ARHGEF2: variants seen among roughly 807,000 people sequenced by gnomAD.
ARHGEF2 encodes the protein Rho/Rac guanine nucleotide exchange factor 2.
ARHGEF2 carries 22 observed loss-of-function variants against 121.0 expected under a neutral mutation model. That is an observed-to-expected ratio of 0.18 (90% CI 0.13 to 0.26). The LOEUF (loss-of-function observed/expected upper bound fraction) is 0.26. ARHGEF2 is among the 10% of genes least tolerant of loss of function. The pLI, the probability that ARHGEF2 is intolerant of heterozygous loss-of-function variation, is 1.00. For synonymous variants in ARHGEF2, 487 were observed against 530.0 expected, an observed-to-expected ratio of 0.92 and a Z score of 1.11; for missense variants, 907 against 1,336.0, an observed-to-expected ratio of 0.68 and a Z score of 5.01.
Position 155,947,872 on chromosome 1 carries a change from T to TG in ARHGEF2, c.*69dup. On this transcript the variant is annotated 3_prime_UTR_variant, in exon 22 of 22. Transcript: ENST00000361247. ...AAATGTTCCCTCATCATTGGCAAAT[T>TG]GGAGTCCCCAAGGTTAGCCCCCTCA... The TG allele has an allele frequency of 3.4e-6, 3 of 885,162 alleles. No homozygotes were observed. The highest frequency in any genetic ancestry group is 3.3e-5 in the South Asian group (2 of 60,884). The allele number at this position is 885,162 out of a possible 1,614,324, so 54.8% of individuals were successfully genotyped here. A position where few individuals can be genotyped will look rare whatever the true frequency, so the allele number is the denominator to read the frequency against.
At position 155,964,180 on chromosome 1, in the gene ARHGEF2, A is replaced by ATATATG. The variant is rs1553245008; in HGVS notation, c.724+807_724+808insCATATA. On this transcript the variant is annotated intron_variant, in intron 7 of 21. Coordinates refer to ENST00000361247, the MANE Select transcript of ARHGEF2 (RefSeq NM_001162383.2). ...AAAAAAAAAAAAAATATATATATAT[A>ATATATG]TATATATATATATATATACATATAT... Among the ~76,000 whole-genome samples, 38 of 101,540 alleles carry ATATATG rather than the reference A, an allele frequency of 3.7e-4. 1 individual carries two copies. Among genetic ancestry groups the ATATATG allele is most frequent in the Non-Finnish European group, 5.3e-4 (29 of 54,492 alleles). The allele number at this position is 101,540 out of a possible 152,430, so 66.6% of individuals were successfully genotyped here.
chr1:155,954,631 A>T (rs4661160), intron 14 of ARHGEF2, among the ~76,000 whole-genome samples: 119,764 of 147,844 alleles, frequency 0.81, 50,755 homozygotes, highest in East Asian at 0.94. Flanking sequence ...GTGGTCTTTT[A>T]GTATAGCAGT....
In ARHGEF2 at chr1:155,947,946, C is replaced by T. The variant is rs1674650110; in HGVS notation, c.2957G>A (p.Ser986Asn). 1.3e-6 allele frequency: 2 copies of T among 1,550,152 alleles called. No homozygotes were observed. The highest frequency in any genetic ancestry group is 1.2e-5 in the South Asian group (1 of 83,980). Residue 986 changes from serine (S) to asparagine (N), a missense_variant, in exon 22 of 22, where the codon AGC becomes AAC. Physicochemically the swap from Ser to Asn is conservative, Grantham distance 46. Transcript: ENST00000361247. ...GGGCAGGGGGGAGGGGCCCCCTTAGCTCTCGGAGGCTACAGCCTCCCCGTC... is the reference window on the plus strand; with the variant it reads ...GGGCAGGGGGGAGGGGCCCCCTTAGTTCTCGGAGGCTACAGCCTCCCCGTC... ...SRDGEAVASES is the reference protein window; with the variant it reads ...SRDGEAVASEN
rs377007664 is a variant in ARHGEF2 at position 155,950,878 on chromosome 1, C to T, written c.2654G>A (p.Arg885His). 51 of 1,554,466 alleles carry T rather than the reference C, an allele frequency of 3.3e-5. No homozygotes were observed. Among genetic ancestry groups the T allele is most frequent in the Non-Finnish European group, 4.3e-5 (50 of 1,151,598 alleles). ...CAGGGCATCGCCTGCGGGGAGGCTGCGCCGCCGAGGATCCACAGGTCTGCG... is the reference window on the plus strand; with the variant it reads ...CAGGGCATCGCCTGCGGGGAGGCTGTGCCGCCGAGGATCCACAGGTCTGCG... ...WARRPVDPRR[R>H]SLPAGDALYL... The change falls in exon 20 of 22, where the codon CGC becomes CAC. Residue 885 changes from arginine to histidine, a missense_variant. Physicochemically the swap from Arg to His is conservative, Grantham distance 29. Coordinates refer to ENST00000361247, the MANE Select transcript of ARHGEF2 (RefSeq NM_001162383.2). This position sits in a 1 kb window ranked among gnomAD's most constrained non-coding sequence, Gnocchi z 5.2.
chr1:155,964,966 G>A (rs1572149281), intron 7 of ARHGEF2, 22 bp downstream of exon 7: 3 of 1,605,950 alleles, frequency 1.9e-6, no homozygotes, highest in Non-Finnish European at 1.7e-6. Flanking sequence ...GGAAGAGGAA[G>A]ACTAGGGTGG....
At chr1:155,964,173 TATATATATATATATATATATATATAC>T (rs1558030869) in intron 7 of ARHGEF2, among the ~76,000 whole-genome samples, 11 of 69,168 alleles carry the variant, frequency 1.6e-4, no homozygotes, top group East Asian at 1.6e-3. Context: ...AAAAAATATA[TATATATATATATATATATATATATAC>T]ATATATATAT....
intron 11 of ARHGEF2, among the ~76,000 whole-genome samples, chr1:155,960,501 C>T (rs568653448): frequency 2.0e-5 from 3 of 151,544 alleles, no homozygotes; most frequent in African/African-American, 4.8e-5. Context: ...AAAACATACA[C>T]TCCTCCTTTG....
chr1:155,976,718 C>G (rs1681362151), intron 1 of ARHGEF2, among the ~76,000 whole-genome samples: 1 of 150,930 alleles, frequency 6.6e-6, no homozygotes. Context: ...ACCTCCCCCG[C>G]CCCCCTTGGC....
Position 155,948,000 on chromosome 1 carries a change from T to A in ARHGEF2, c.2903A>T (p.Gln968Leu). 2 of 1,551,264 alleles carry A rather than the reference T, an allele frequency of 1.3e-6. No homozygotes were observed. Among genetic ancestry groups the A allele is most frequent in the Non-Finnish European group, 1.7e-6 (2 of 1,146,778 alleles). The change falls in exon 22 of 22, where the codon CAG becomes CTG. Residue 968 changes from glutamine to leucine, a missense_variant. Gln to Leu is a moderately radical substitution (Grantham distance 113). Around this residue, in one of 2 missense-constraint regions of ARHGEF2, gnomAD observed 432 missense variants for 559.5 expected, o/e 0.77. Transcript: ENST00000361247. The part of the protein sequence containing the change: ...PHSPRDFTRM[Q>L]DIPEETESRD... ...GCTCTCCGTCTCCTCCGGGATGTCC[T>A]GCATTCTGGTAAAGTCTGAAGGGGG...
chr1:155,976,721 C>T (rs1031837327), intron 1 of ARHGEF2, among the ~76,000 whole-genome samples: 1 of 151,346 alleles, frequency 6.6e-6, no homozygotes, highest in Non-Finnish European at 1.5e-5. Flanking sequence ...TCCCCCGCCC[C>T]CCTTGGCTCT....
At chr1:155,960,317 A>C (rs974009490) in intron 11 of ARHGEF2, among the ~76,000 whole-genome samples, 2 of 152,028 alleles carry the variant, frequency 1.3e-5, no homozygotes, top group Non-Finnish European at 2.9e-5. Flanking sequence ...AAAAATTTAA[A>C]AATGTGCTGG....
Position 155,965,088 on chromosome 1 carries a change from A to G in ARHGEF2, c.624T>C (p.Asp208=), listed in dbSNP as rs764149170. 5 of 1,613,934 alleles carry G rather than the reference A, an allele frequency of 3.1e-6. No individual in the cohort carries two copies. In the East Asian group the frequency reaches 1.1e-4, roughly 36 times the overall value. ...AAGAGTCAGCTGCAAAGTCCTTCTC[A>G]TCCATCTCAAAGTCACTCATCAGCT... is the stretch of plus-strand genomic sequence containing the variant. The part of the protein sequence containing the change: ...YSELMSDFEM[D]EKDFAADSWS... The change falls in exon 7 of 22, where the codon GAT becomes GAC. Residue 208 remains aspartate (D), a synonymous_variant. Coordinates refer to ENST00000361247, the MANE Select transcript of ARHGEF2 (RefSeq NM_001162383.2). This position sits in a 1 kb window ranked among gnomAD's most constrained non-coding sequence, Gnocchi z 6.0.
At chr1:155,976,141 G>A (rs1406944793) in intron 1 of ARHGEF2, among the ~76,000 whole-genome samples, 3 of 151,888 alleles carry the variant, frequency 2.0e-5, no homozygotes, top group African/African-American at 7.3e-5. Flanking sequence ...GCTTAGCTGT[G>A]ACCCATCCCC....
intron 14 of ARHGEF2, among the ~76,000 whole-genome samples, chr1:155,953,545 C>T (rs1169490072): frequency 6.6e-6 from 1 of 151,772 alleles, no homozygotes; most frequent in Non-Finnish European, 1.5e-5. Context: ...AGTTCGAGAC[C>T]AGCCTGGCCA....
chr1:155,978,604 G>T, upstream of ARHGEF2: 1 of 1,263,698 alleles, frequency 7.9e-7, no homozygotes, highest in East Asian at 3.1e-5. The surrounding 1 kb of genome is among the most constrained non-coding windows in gnomAD (Gnocchi z 4.1). Context: ...CCCCGCCCAA[G>T]CTCAGGAAGG....
chr1:155,947,325 A>G lies in ARHGEF2; in HGVS notation c.*617T>C, dbSNP rs1252878469. The G allele has an allele frequency of 2.2e-6, 1 of 456,016 alleles. No individual in the cohort carries two copies. The highest frequency in any genetic ancestry group is 4.4e-6 in the Non-Finnish European group (1 of 226,592). 28.2% of individuals were successfully genotyped at this position (456,016 alleles called of 1,614,324 possible). A position where few individuals can be genotyped will look rare whatever the true frequency, so the allele number is the denominator to read the frequency against. On this transcript the variant is annotated 3_prime_UTR_variant, in exon 22 of 22. Coordinates refer to ENST00000361247, the MANE Select transcript of ARHGEF2 (RefSeq NM_001162383.2). ...TCACCCCCAACAAACCATTATGGCC[A>G]CCCCAACCTTTATTCCATCAACTCC... is the stretch of plus-strand genomic sequence containing the variant.
chr1:155,950,183 C>G lies in ARHGEF2; in HGVS notation c.2887+116G>C. On this transcript the variant is annotated intron_variant, in intron 21 of 21. Transcript: ENST00000361247. The surrounding 1 kb of genome is among the most constrained non-coding windows in gnomAD (Gnocchi z 5.2). ...TCATCAGACAAAACAGGAAGTCCCT[C>G]CCTAGAGTTACTACAAGCCTCACAG... 1 of 1,294,840 alleles carries G rather than the reference C, an allele frequency of 7.7e-7. No homozygotes were observed. The highest frequency in any genetic ancestry group is 1.1e-6 in the Non-Finnish European group (1 of 938,416). 80.2% of individuals were successfully genotyped at this position (1,294,840 alleles called of 1,614,324 possible).
Position 155,965,209 on chromosome 1 carries a change from C to T in ARHGEF2, c.581-78G>A. 1.2e-6 allele frequency: 2 copies of T among 1,606,988 alleles called. No individual in the cohort carries two copies. Among genetic ancestry groups the T allele is most frequent in the Non-Finnish European group, 1.7e-6 (2 of 1,174,612 alleles). On this transcript the variant is annotated intron_variant, in intron 6 of 21. Coordinates refer to ENST00000361247, the MANE Select transcript of ARHGEF2 (RefSeq NM_001162383.2). The surrounding 1 kb of genome is among the most constrained non-coding windows in gnomAD (Gnocchi z 6.0). The stretch of plus-strand genomic sequence containing the variant: ...TCCCTGGCCCTTCTCTAGATCCCTT[C>T]CCTCCTTGTCCTTCCAGGCTACTCC...
chr1:155,969,368 A>G, intron 1 of ARHGEF2, 68 bp from the exon 2 acceptor site: 1 of 1,596,654 alleles, frequency 6.3e-7, no homozygotes. Flanking sequence ...GTCCAGAGAG[A>G]CAGGCTGGGG....
Sources: allele counts gnomAD v4.1 joint callset (sites outside exome capture counted in the v4.1 genomes callset), GRCh38; gene constraint gnomAD v4.1.1; regional missense constraint gnomAD v4.1.1; non-coding constraint Gnocchi (gnomAD v3.1); transcripts MANE v1.5; gene names NCBI Gene and HGNC (gene_info 2026-07-23, HGNC 2026-07-21).